The following RBM39 variants were observed in gnomAD, a reference collection of about 807,000 sequenced individuals.
The protein encoded by RBM39 is RNA binding motif protein 39.
RBM39 carries 12 observed loss-of-function variants against 79.6 expected under a neutral mutation model. The ratio of observed to expected loss-of-function variants is 0.15; its 90% confidence interval spans 0.10 to 0.24. RBM39 has a LOEUF of 0.24. Among genes scored for constraint, RBM39 ranks in the 10% least tolerant of loss-of-function variants. The pLI is 1.00. For synonymous variants in RBM39, 185 were observed against 208.4 expected (o/e 0.89, Z 0.97); for missense variants, 243 against 653.4 (o/e 0.37, Z 6.85).
intron 15 of RBM39, 66 bp from the exon 16 acceptor site, chr20:35,704,812 A>G (rs2035522322): frequency 7.0e-7 from 1 of 1,428,182 alleles, no homozygotes; most frequent in Non-Finnish European, 9.8e-7. Context: ...AGTTATGTTT[A>G]TTCAAGTTGC....
At chr20:35,732,989 C>G (rs781086501) in intron 3 of RBM39, among the ~76,000 whole-genome samples, 1 of 152,096 alleles carries the variant, frequency 6.6e-6, no homozygotes, top group Admixed American at 6.6e-5. Context: ...ATGGGCAAAA[C>G]CGTAATGACA....
intron 11 of RBM39, chr20:35,713,684 A>AAAAAAC (rs1322067200): frequency 4.7e-5 from 7 of 149,216 alleles, no homozygotes; most frequent in Admixed American, 2.0e-4. Context: ...AAAAAAAAAA[A>AAAAAAC]AAAAAAAAAA....
chr20:35,718,415 G>A (rs913366184), intron 9 of RBM39, among the ~76,000 whole-genome samples: 2 of 152,162 alleles, frequency 1.3e-5, no homozygotes, highest in East Asian at 1.9e-4. Flanking sequence ...GGCTGGGCTC[G>A]GTGGCTCCCA....
Position 35,741,937 on chromosome 20 carries a change from G to A in RBM39, c.-14+4C>T, listed in dbSNP as rs959183215. The A allele has an allele frequency of 1.5e-5, 3 of 199,086 alleles. No individual in the cohort carries two copies. The highest frequency in any genetic ancestry group is 1.2e-4 in the South Asian group (2 of 16,154). 12.3% of individuals were successfully genotyped at this position (199,086 alleles called of 1,614,324 possible). On this transcript the variant is annotated splice_donor_region_variant and intron_variant, in intron 1 of 16. Transcript: ENST00000253363. ...ATAATACGCGGGTCCGCAACGCCCC[G>A]TACCTGTTCCGGCCTTCGGGCGCCT...
In RBM39 at chr20:35,702,360, T is replaced by C. The variant is rs1054866263; in HGVS notation, c.*2121A>G. On this transcript the variant is annotated 3_prime_UTR_variant, in exon 17 of 17. Transcript: ENST00000253363. ...TTCACTCAGAATGAGCTGTTTTCTA[T>C]GCACGACACTATTCAAGTTACTACA... The C allele has an allele frequency of 6.6e-6, 1 of 152,236 alleles. No individual in the cohort carries two copies. Among genetic ancestry groups the C allele is most frequent in the African/African-American group, 2.4e-5 (1 of 41,460 alleles). The allele number at this position is 152,236 out of a possible 1,614,324, so 9.4% of individuals were successfully genotyped here. A position where few individuals can be genotyped will look rare whatever the true frequency, so the allele number is the denominator to read the frequency against.
intron 11 of RBM39, chr20:35,713,608 AGCTACCGCACC>A (rs956530707): frequency 4.8e-5 from 7 of 145,394 alleles, no homozygotes; most frequent in African/African-American, 1.8e-4. Context: ...TACAGTTGTA[AGCTACCGCACC>A]CGGCAGAAAC....
chr20:35,716,375 C>A (rs964805936), intron 10 of RBM39, among the ~76,000 whole-genome samples: 1 of 152,044 alleles, frequency 6.6e-6, no homozygotes, highest in African/African-American at 2.4e-5. Context: ...CGCCCGGCCA[C>A]AAAAACTAAT....
chr20:35,740,758 G>T, intron 2 of RBM39, 66 bp downstream of exon 2: 1 of 1,493,432 alleles, frequency 6.7e-7, no homozygotes, highest in Non-Finnish European at 9.3e-7. Flanking sequence ...TTACATTTCA[G>T]CAGTAGTTTC....
At chr20:35,726,160 G>A (rs533716971) in intron 6 of RBM39, among the ~76,000 whole-genome samples, 7 of 152,168 alleles carry the variant, frequency 4.6e-5, no homozygotes, top group Admixed American at 2.0e-4. Context: ...TTGAGATGGA[G>A]TCTCACTGTC....
chr20:35,724,778 A>T, intron 7 of RBM39, 56 bp from the exon 8 acceptor site: 1 of 1,566,012 alleles, frequency 6.4e-7, no homozygotes, highest in Non-Finnish European at 8.7e-7. Context: ...ATGTAGAATT[A>T]TTTCAAGAGA....
At chr20:35,712,954 A>T in intron 12 of RBM39, 65 bp downstream of exon 12, 1 of 1,402,234 alleles carries the variant, frequency 7.1e-7, no homozygotes, top group Non-Finnish European at 9.7e-7. Flanking sequence ...TTAAATGTAA[A>T]AATTTGGAAA....
intron 13 of RBM39, 116 bp downstream of exon 13, chr20:35,709,108 C>A: frequency 1.1e-6 from 1 of 877,598 alleles, no homozygotes; most frequent in South Asian, 1.8e-5. Flanking sequence ...GTCACTGTGT[C>A]AAAATTTGGT....
intron 14 of RBM39, among the ~76,000 whole-genome samples, chr20:35,706,578 A>C (rs1446339528): frequency 6.6e-6 from 1 of 152,194 alleles, no homozygotes; most frequent in African/African-American, 2.4e-5. Context: ...CAATGAGAAG[A>C]GTTAAAAAAT....
At chr20:35,730,583 T>C (rs552576231) in intron 4 of RBM39, among the ~76,000 whole-genome samples, 1 of 152,290 alleles carries the variant, frequency 6.6e-6, no homozygotes, top group Non-Finnish European at 1.5e-5. Flanking sequence ...TTATAAAATA[T>C]TCTGAGTTAC....
At chr20:35,737,157 C>G (rs1463076631) in intron 3 of RBM39, among the ~76,000 whole-genome samples, 5 of 151,550 alleles carry the variant, frequency 3.3e-5, no homozygotes, top group Non-Finnish European at 7.4e-5. Flanking sequence ...TTTGGGAGGC[C>G]AAGGCAGGTG....
intron 14 of RBM39, among the ~76,000 whole-genome samples, chr20:35,706,708 C>G (rs192985888): frequency 1.1e-3 from 172 of 152,164 alleles, no homozygotes; most frequent in African/African-American, 3.7e-3. Context: ...TTAAAAGGAT[C>G]AAAACTATGC....
chr20:35,714,554 C>T (rs1406128204), intron 10 of RBM39, among the ~76,000 whole-genome samples, 165 bp from the exon 11 acceptor site: 2 of 152,042 alleles, frequency 1.3e-5, no homozygotes, highest in East Asian at 1.9e-4. Flanking sequence ...ATGATGACGA[C>T]GCTAGCTAAC....
chr20:35,740,367 T>C, intron 2 of RBM39: 1 of 356,224 alleles, frequency 2.8e-6, no homozygotes, highest in Non-Finnish European at 5.6e-6. Context: ...AAGATTTAAC[T>C]TGCCACAGAC....
At chr20:35,718,831 A>C (rs1342218095) in intron 9 of RBM39, among the ~76,000 whole-genome samples, 1 of 150,640 alleles carries the variant, frequency 6.6e-6, no homozygotes, top group African/African-American at 2.4e-5. Flanking sequence ...AAAAAAAAAA[A>C]AAAAAGCCAG....
Sources: allele counts gnomAD v4.1 joint callset (sites outside exome capture counted in the v4.1 genomes callset), GRCh38; gene constraint gnomAD v4.1.1; transcripts MANE v1.5; gene names NCBI Gene and HGNC (gene_info 2026-07-23, HGNC 2026-07-21).